Variants in DNAH2 observed in about 807,000 individuals in gnomAD.
DNAH2 encodes the protein axonemal beta dynein heavy chain 2.
In DNAH2, 323 loss-of-function variants were observed where a neutral mutation model predicts 523.5. The observed-to-expected ratio is 0.62, with a 90% CI of 0.56 to 0.68. The LOEUF is 0.68. Among genes scored for constraint, DNAH2 ranks in the 30% least tolerant of loss-of-function variants. The probability of loss-of-function intolerance (pLI) is 0.00; values close to 1 mark genes in which losing one functional copy is unlikely to be tolerated. For missense variants in DNAH2, 4,907 were observed against 5,701.5 expected (o/e 0.86, Z 4.49); for synonymous variants, 2,093 against 2,177.4 (o/e 0.96, Z 1.08).
intron 44 of DNAH2, among the ~76,000 whole-genome samples, chr17:7,790,494 C>A (rs963797457): frequency 6.6e-6 from 1 of 151,854 alleles, no homozygotes; most frequent in African/African-American, 2.4e-5. Flanking sequence ...AGTGCTGGGA[C>A]TAGAGGCATG....
At chr17:7,795,031 C>CT (rs201316316) in intron 49 of DNAH2, among the ~76,000 whole-genome samples, 41 of 151,324 alleles carry the variant, frequency 2.7e-4, no homozygotes, top group Admixed American at 5.3e-4. Flanking sequence ...CTTGGCCTCA[C>CT]TTTTTTTTTT....
At chr17:7,830,217 C>A (rs939476953) in intron 77 of DNAH2, 83 bp from the exon 78 acceptor site, 64 of 1,447,056 alleles carry the variant, frequency 4.4e-5, no homozygotes, top group Non-Finnish European at 5.4e-5. Flanking sequence ...CAATGAAGAA[C>A]CTCCACAACT....
intron 39 of DNAH2, among the ~76,000 whole-genome samples, chr17:7,783,183 T>C (rs2076646869): frequency 6.6e-6 from 1 of 152,154 alleles, no homozygotes; most frequent in Non-Finnish European, 1.5e-5. Flanking sequence ...GTTCAAGCGA[T>C]TCTCCTGCCT....
At chr17:7,759,999 G>T (rs2075960652) in intron 17 of DNAH2, 61 bp downstream of exon 17, 1 of 1,609,628 alleles carries the variant, frequency 6.2e-7, no homozygotes, top group Admixed American at 1.7e-5. Context: ...AGTGGGCCAG[G>T]CCAGGAGGAG....
At chr17:7,744,035 CA>C (rs2151163265) in intron 12 of DNAH2, 1 of 152,336 alleles carries the variant, frequency 6.6e-6, no homozygotes, top group Non-Finnish European at 1.5e-5. Context: ...TTCCTGTCCA[CA>C]TAAGATGCTT....
intron 77 of DNAH2, 24 bp from the exon 78 acceptor site, chr17:7,830,276 A>G: frequency 6.3e-7 from 1 of 1,596,436 alleles, no homozygotes; most frequent in Non-Finnish European, 8.5e-7. Context: ...ATGTCACCCC[A>G]TCTTTATATT....
rs1182032019 is a variant in DNAH2, at chr17:7,832,667, G to A, written c.12815G>A (p.Arg4272Gln). Residue 4272 changes from arginine (R) to glutamine (Q), a missense_variant, in exon 83 of 86, where the codon CGG becomes CAG. Arg to Gln is a conservative substitution (Grantham distance 43). Transcript: ENST00000572933. The surrounding 1 kb of genome is among the most constrained non-coding windows in gnomAD (Gnocchi z 4.3). ...TTTGAGCTGTGGGCCAGCCGGGCCC[G>A]GCCTCCTGTGATCTTCTGGTTGTCT... ...EQFELWASRA[R>Q]PPVIFWLSGF... 12 of 1,614,014 alleles carry A rather than the reference G, an allele frequency of 7.4e-6. No homozygotes were observed. Among genetic ancestry groups the A allele is most frequent in the East Asian group, 4.5e-5 (2 of 44,886 alleles).
At chr17:7,753,364 G>T (rs531066512) in intron 12 of DNAH2, among the ~76,000 whole-genome samples, 15 of 152,194 alleles carry the variant, frequency 9.9e-5, no homozygotes, top group Non-Finnish European at 2.1e-4. Context: ...AGCTGTGCAG[G>T]TTTGGGGATC....
chr17:7,777,729 C>T, intron 33 of DNAH2, 95 bp downstream of exon 33: 1 of 1,485,658 alleles, frequency 6.7e-7, no homozygotes, highest in Non-Finnish European at 9.2e-7. Context: ...ATATCCTAAG[C>T]CAACCCTTAG....
chr17:7,720,166 A>G (rs552042834), intron 2 of DNAH2, among the ~76,000 whole-genome samples: 1 of 152,232 alleles, frequency 6.6e-6, no homozygotes, highest in South Asian at 2.1e-4. Context: ...TCCTTTCTCT[A>G]GCCTCTTCCT....
Position 7,774,895 on chromosome 17 carries a change from G to T in DNAH2, c.4638G>T (p.Leu1546=), listed in dbSNP as rs1567677370. ...CCAATGATGACCTGCTGGAGATTCT[G>T]GGCCAGTCCCGAAACCCAGAGGCTG... The part of the protein sequence containing the change: ...FLSNDDLLEI[L]GQSRNPEAVQ... The change falls in exon 29 of 86, where the codon CTG becomes CTT. Residue 1546 remains leucine, a synonymous_variant. Coordinates refer to ENST00000572933, the MANE Select transcript of DNAH2 (RefSeq NM_020877.5). 3 of 1,614,178 alleles carry T rather than the reference G, an allele frequency of 1.9e-6. No individual in the cohort carries two copies. Among genetic ancestry groups the T allele is most frequent in the Middle Eastern group, 3.3e-4 (2 of 6,062 alleles).
chr17:7,771,560 C>T, intron 28 of DNAH2, 92 bp downstream of exon 28: 1 of 1,384,656 alleles, frequency 7.2e-7, no homozygotes, highest in East Asian at 2.4e-5. Context: ...AAGACTGATG[C>T]CCCCAGCTCT....
Position 7,787,883 on chromosome 17 carries a change from G to A in DNAH2, c.6627G>A (p.Glu2209=), listed in dbSNP as rs760509033. 2 of 1,614,014 alleles carry A rather than the reference G, an allele frequency of 1.2e-6. No homozygotes were observed. Among genetic ancestry groups the A allele is most frequent in the Non-Finnish European group, 1.7e-6 (2 of 1,179,924 alleles). The change falls in exon 43 of 86, where the codon GAG becomes GAA. Residue 2209 remains glutamate (E), a synonymous_variant. Coordinates refer to ENST00000572933, the MANE Select transcript of DNAH2 (RefSeq NM_020877.5). ...PEQVSLLFEV[E]DLAMASPATV... Reference sequence around the variant, plus strand: ...AGGTGTCTCTCCTGTTTGAAGTGGAGGACCTGGCAATGGCCTCTCCGGCCA... The same window carrying A: ...AGGTGTCTCTCCTGTTTGAAGTGGAAGACCTGGCAATGGCCTCTCCGGCCA...
rs983713814 is a variant in DNAH2 at position 7,754,459 on chromosome 17, C to T, written c.1905-2632C>T. ...GCACAGAAATGGTATCAAGAAACCG[C>T]GATCACAAAGATACAAATCTCTTAA... On this transcript the variant is annotated intron_variant, in intron 12 of 85. Transcript: ENST00000572933. This position sits in a 1 kb window ranked among gnomAD's most constrained non-coding sequence, Gnocchi z 4.6. 3.2e-5 allele frequency: 22 copies of T among 680,720 alleles called. No homozygotes were observed. Among genetic ancestry groups the T allele is most frequent in the African/African-American group, 7.1e-5 (4 of 56,048 alleles). 42.2% of individuals were successfully genotyped at this position (680,720 alleles called of 1,614,324 possible).
chr17:7,753,205 A>G (rs908866800), intron 12 of DNAH2, among the ~76,000 whole-genome samples: 2 of 152,184 alleles, frequency 1.3e-5, no homozygotes, highest in East Asian at 1.9e-4. Context: ...GCGGTGGGAT[A>G]GTACCCTTCC....
Position 7,792,791 on chromosome 17 carries a change from A to G in DNAH2, c.7280A>G (p.Gln2427Arg). 6.2e-7 allele frequency: 1 copy of G among 1,614,216 alleles called. No individual in the cohort carries two copies. The highest frequency in any genetic ancestry group is 1.1e-5 in the South Asian group (1 of 91,090). Residue 2427 changes from glutamine to arginine, a missense_variant, in exon 47 of 86, where the codon CAG (glutamine) becomes CGG (arginine). This residue lies in a region of DNAH2 where 2,806 missense variants were observed against 3,190.8 expected (regional missense o/e 0.88). Transcript: ENST00000572933. ...PVGTGKTSIA[Q>R]SVLQSLPSSQ... ...GGGACTGGGAAGACCTCCATCGCCCAGAGCGTTCTGCAGTCCCTGCCCTCC... is the reference window on the plus strand; with the variant it reads ...GGGACTGGGAAGACCTCCATCGCCCGGAGCGTTCTGCAGTCCCTGCCCTCC...
rs767618016 is a variant in DNAH2 at position 7,831,295 on chromosome 17, G to T, written c.12440G>T (p.Gly4147Val). The change falls in exon 80 of 86, where the codon GGC (glycine) becomes GTC (valine). Residue 4147 changes from glycine (G) to valine (V), a missense_variant. Physicochemically the swap from Gly to Val is moderately radical, Grantham distance 109. Around this residue, in one of 3 missense-constraint regions of DNAH2, gnomAD observed 1,851 missense variants for 2,139.4 expected, o/e 0.87. Transcript: ENST00000572933. This position sits in a 1 kb window ranked among gnomAD's most constrained non-coding sequence, Gnocchi z 4.2. ...CAGATTACACCCACCAGGGCTGGAG[G>T]CCAGACCCGGGAAGAGAAGGTAAAA... Reference protein sequence around the residue: ...QPQITPTRAGGQTREEKVLEL... With the variant: ...QPQITPTRAGVQTREEKVLEL... The T allele has an allele frequency of 6.2e-7, 1 of 1,614,124 alleles. No individual in the cohort carries two copies. Among genetic ancestry groups the T allele is most frequent in the East Asian group, 2.2e-5 (1 of 44,880 alleles).
intron 5 of DNAH2, 68 bp from the exon 6 acceptor site, chr17:7,734,115 C>G: frequency 7.2e-7 from 1 of 1,389,938 alleles, no homozygotes; most frequent in South Asian, 1.3e-5. Context: ...GATCATCAAC[C>G]GTGATTCCTA....
intron 20 of DNAH2, among the ~76,000 whole-genome samples, chr17:7,764,782 C>CTTTTTTTTTTT (rs59188289): frequency 1.0e-4 from 5 of 49,496 alleles, no homozygotes; most frequent in Non-Finnish European, 1.4e-4. Flanking sequence ...ACTGTATTTA[C>CTTTTTTTTTTT]TTTTTTTTTT....
Sources: allele counts gnomAD v4.1 joint callset (sites outside exome capture counted in the v4.1 genomes callset), GRCh38; gene constraint gnomAD v4.1.1; regional missense constraint gnomAD v4.1.1; non-coding constraint Gnocchi (gnomAD v3.1); transcripts MANE v1.5; gene names NCBI Gene and HGNC (gene_info 2026-07-23, HGNC 2026-07-21).